CADM1: variants seen among roughly 807,000 people sequenced by gnomAD.
CADM1 encodes cell adhesion molecule 1, also known as TSLC-1.
Under a neutral mutation model 53.1 loss-of-function variants are expected in CADM1, and 15 were observed. That is an observed-to-expected ratio of 0.28 (90% CI 0.19 to 0.44). CADM1 has a LOEUF of 0.44. CADM1 is among the 20% of genes least tolerant of loss of function. The pLI is 1.00. For missense variants in CADM1, 434 were observed against 611.3 expected, an observed-to-expected ratio of 0.71 and a Z score of 3.06; for synonymous variants, 281 against 243.0, an observed-to-expected ratio of 1.16 and a Z score of -1.45.
chr11:115,209,591 ATGGTGGTGGTGGTGGTGGTGG>A lies in CADM1; in HGVS notation c.1040_1060del (p.Thr347_Thr353del), dbSNP rs747352768. 2.3e-5 allele frequency: 21 copies of A among 924,884 alleles called. No homozygotes were observed. Among genetic ancestry groups the A allele is most frequent in the Admixed American group, 1.1e-4 (6 of 53,914 alleles). 57.3% of individuals were successfully genotyped at this position (924,884 alleles called of 1,614,324 possible). A position where few individuals can be genotyped will look rare whatever the true frequency, so the allele number is the denominator to read the frequency against. ...TACCATACCTGTGATGATGGTAAGG[ATGGTGGTGGTGGTGGTGGTGG>A]TGGTGGTGGTGGTTGTTGTGGGAGG... is the stretch of plus-strand genomic sequence containing the variant. On this transcript the variant is annotated inframe_deletion, in exon 8 of 12. Coordinates refer to ENST00000331581, the MANE Select transcript of CADM1 (RefSeq NM_001301043.2).
intron 1 of CADM1, among the ~76,000 whole-genome samples, chr11:115,395,770 C>G (rs1946980052): frequency 6.6e-6 from 1 of 152,114 alleles, no homozygotes; most frequent in African/African-American, 2.4e-5. Flanking sequence ...GAAAAAAATC[C>G]TAAACCCTGT....
intron 1 of CADM1, among the ~76,000 whole-genome samples, chr11:115,274,986 T>C (rs1321314400): frequency 6.6e-6 from 1 of 152,196 alleles, no homozygotes. Context: ...AACTGAGGTC[T>C]GCAATCAGGA....
chr11:115,382,885 G>A (rs903319105), intron 1 of CADM1, among the ~76,000 whole-genome samples: 1 of 152,110 alleles, frequency 6.6e-6, no homozygotes, highest in Non-Finnish European at 1.5e-5. Context: ...TGAAAATAGA[G>A]TGAAACAAAC....
intron 1 of CADM1, among the ~76,000 whole-genome samples, chr11:115,280,820 C>T (rs932382719): frequency 6.6e-6 from 1 of 152,166 alleles, no homozygotes; most frequent in African/African-American, 2.4e-5. Flanking sequence ...GCTTTATCAA[C>T]GAGTTTACTT....
chr11:115,197,140 T>A (rs1188061718), intron 9 of CADM1, among the ~76,000 whole-genome samples: 1 of 152,190 alleles, frequency 6.6e-6, no homozygotes, highest in South Asian at 2.1e-4. Flanking sequence ...TTTCTCAGAA[T>A]TCGTCATAGG....
At chr11:115,308,284 C>A (rs567040634) in intron 1 of CADM1, among the ~76,000 whole-genome samples, 1 of 151,060 alleles carries the variant, frequency 6.6e-6, no homozygotes, top group South Asian at 2.1e-4. Flanking sequence ...TTTCAGTACT[C>A]TGGAGCAAAA....
At chr11:115,381,178 TC>T (rs1443843791) in intron 1 of CADM1, among the ~76,000 whole-genome samples, 1 of 151,422 alleles carries the variant, frequency 6.6e-6, no homozygotes, top group East Asian at 2.0e-4. Flanking sequence ...CCACCTGTAA[TC>T]CCAGCTAGGG....
chr11:115,173,405 C>T lies in CADM1; in HGVS notation c.*3069G>A, dbSNP rs1938867970. On this transcript the variant is annotated 3_prime_UTR_variant, in exon 12 of 12. Transcript: ENST00000331581. ...CTCAGCCACGGCACAGCACTTGGCT[C>T]ACCTGTCCACTGAGAGTGGGGAAGA... 1 of 152,324 alleles carries T rather than the reference C, an allele frequency of 6.6e-6. No individual in the cohort carries two copies. The highest frequency in any genetic ancestry group is 2.1e-4 in the South Asian group (1 of 4,824). 9.4% of individuals were successfully genotyped at this position (152,324 alleles called of 1,614,324 possible). A position where few individuals can be genotyped will look rare whatever the true frequency, so the allele number is the denominator to read the frequency against.
intron 1 of CADM1, among the ~76,000 whole-genome samples, chr11:115,269,479 C>A (rs866328204): frequency 1.3e-5 from 2 of 152,154 alleles, no homozygotes; most frequent in African/African-American, 2.4e-5. Flanking sequence ...GAGGTTTATG[C>A]TCCCAATTAG....
intron 1 of CADM1, chr11:115,399,408 A>G (rs1176312606): frequency 6.6e-6 from 1 of 152,224 alleles, no homozygotes; most frequent in South Asian, 2.1e-4. Context: ...AACAGAGCAC[A>G]CATGAGAAGT....
At chr11:115,500,614 G>A (rs1452599739) in intron 1 of CADM1, among the ~76,000 whole-genome samples, 1 of 152,206 alleles carries the variant, frequency 6.6e-6, no homozygotes, top group Admixed American at 6.5e-5. Context: ...TAAGGCTAAT[G>A]TTATAATTGC....
At chr11:115,445,355 C>T (rs947065220) in intron 1 of CADM1, among the ~76,000 whole-genome samples, 6 of 152,036 alleles carry the variant, frequency 3.9e-5, no homozygotes, top group Non-Finnish European at 8.8e-5. Context: ...CTGGCTCGTG[C>T]CTCAGTTTCT....
At chr11:115,233,814 T>C (rs1186396491) in intron 3 of CADM1, among the ~76,000 whole-genome samples, 2 of 152,188 alleles carry the variant, frequency 1.3e-5, no homozygotes, top group Non-Finnish European at 2.9e-5. Flanking sequence ...AGAACTGTAA[T>C]GGAGCAATGT....
intron 1 of CADM1, among the ~76,000 whole-genome samples, chr11:115,256,542 AC>A: frequency 6.6e-6 from 1 of 152,332 alleles, no homozygotes; most frequent in African/African-American, 2.4e-5. Flanking sequence ...AGTAACACTT[AC>A]CTTGAAACCA....
rs989365011 is a variant in CADM1 at position 115,171,054 on chromosome 11, A to G, written c.*5420T>C. 2 of 152,162 alleles carry G rather than the reference A, an allele frequency of 1.3e-5. No homozygotes were observed. The highest frequency in any genetic ancestry group is 2.9e-5 in the Non-Finnish European group (2 of 68,046). 9.4% of individuals were successfully genotyped at this position (152,162 alleles called of 1,614,324 possible). On this transcript the variant is annotated 3_prime_UTR_variant, in exon 12 of 12. Coordinates refer to ENST00000331581, the MANE Select transcript of CADM1 (RefSeq NM_001301043.2). ...CTGCGTGCCTGACAGGAACTTTAAT[A>G]TGGTATTGACCTACAAGGTCATGGA...
chr11:115,407,108 C>G (rs1488991176), intron 1 of CADM1, among the ~76,000 whole-genome samples: 1 of 151,968 alleles, frequency 6.6e-6, no homozygotes, highest in African/African-American at 2.4e-5. Flanking sequence ...TGAATTTCAC[C>G]AGGATTAACT....
rs572721465 is a variant in CADM1, at chr11:115,188,953, C to A, written c.1165+1935G>T. On this transcript the variant is annotated intron_variant, in intron 10 of 11. Transcript: ENST00000331581. ...TTGCTGCTGAGTGAAGCCAAGCTCA[C>A]AATCAATAGTAATTGATTAATCAGC... Among the ~76,000 whole-genome samples the A allele has an allele frequency of 4.5e-4, 68 of 152,084 alleles. 1 individual carries two copies. The highest frequency in any genetic ancestry group is 2.7e-3 in the South Asian group (13 of 4,820).
intron 1 of CADM1, among the ~76,000 whole-genome samples, chr11:115,461,319 G>C (rs1048030342): frequency 6.6e-6 from 1 of 152,006 alleles, no homozygotes; most frequent in African/African-American, 2.4e-5. Flanking sequence ...GAAGGTAAAG[G>C]GTAAATAATA....
At chr11:115,299,982 A>C (rs1196906282) in intron 1 of CADM1, among the ~76,000 whole-genome samples, 5 of 152,192 alleles carry the variant, frequency 3.3e-5, no homozygotes, top group African/African-American at 1.2e-4. Flanking sequence ...AGTTTGTAGT[A>C]ATCTTTCCAT....
Sources: gnomAD v4.1 joint callset for allele counts (sites outside exome capture counted in the v4.1 genomes callset) on GRCh38, gnomAD v4.1.1 for gene constraint, MANE v1.5 for transcripts, NCBI Gene and HGNC (gene_info 2026-07-23, HGNC 2026-07-21) for gene names.